FBXO27: variants seen among roughly 807,000 people sequenced by gnomAD.
FBXO27 encodes the protein F-box protein 27, also known as F-box only protein 27.
Under a neutral mutation model 28.3 loss-of-function variants are expected in FBXO27, and 28 were observed. The observed-to-expected ratio is 0.99, with a 90% CI of 0.73 to 1.36. The LOEUF is 1.36. Among genes scored for constraint, FBXO27 ranks in the 40% most tolerant of loss-of-function variants. The pLI is 0.00. For synonymous variants in FBXO27, 175 were observed against 167.3 expected, an observed-to-expected ratio of 1.05 and a Z score of -0.36; for missense variants, 388 against 394.1, an observed-to-expected ratio of 0.98 and a Z score of 0.13.
At chr19:39,026,579 A>G (rs1025650601) in intron 5 of FBXO27, among the ~76,000 whole-genome samples, 1 of 151,870 alleles carries the variant, frequency 6.6e-6, no homozygotes, top group African/African-American at 2.4e-5. Context: ...GATTCAAACG[A>G]TTGCCTGCCT....
chr19:39,009,772 C>G (rs531336009), intron 2 of FBXO27, among the ~76,000 whole-genome samples: 7 of 152,064 alleles, frequency 4.6e-5, no homozygotes, highest in South Asian at 2.1e-4. Context: ...GTTGTGTCCT[C>G]TGATGCACAA....
chr19:39,025,121 A>G lies in FBXO27; in HGVS notation c.*290T>C. On this transcript the variant is annotated 3_prime_UTR_variant, in exon 6 of 6. Coordinates refer to ENST00000292853, the MANE Select transcript of FBXO27 (RefSeq NM_178820.5). The stretch of plus-strand genomic sequence containing the variant: ...GAGGAGAAGAGAGGGGAGGGCAAGA[A>G]TTCTTCTCCAGGATGGGCATTCCCC... 4 of 340,824 alleles carry G rather than the reference A, an allele frequency of 1.2e-5. No homozygotes were observed. Among genetic ancestry groups the G allele is most frequent in the Non-Finnish European group, 2.1e-5 (4 of 186,728 alleles). The allele number at this position is 340,824 out of a possible 1,614,324, so 21.1% of individuals were successfully genotyped here.
Position 39,032,042 on chromosome 19 carries a change from G to A in FBXO27, c.186C>T (p.Asp62=), listed in dbSNP as rs758356714. The change falls in exon 2 of 6, where the codon GAC becomes GAT. Residue 62 remains aspartate (D), a synonymous_variant. Transcript: ENST00000292853. The surrounding 1 kb of genome is among the most constrained non-coding windows in gnomAD (Gnocchi z 4.7). The part of the protein sequence containing the change: ...QVCRGWRALV[D]GQALWLLILA... ...GGATCAGCAGCCACAGGGCCTGGCC[G>A]TCCACCAGGGCTCGCCAGCCCCGGC... The A allele has an allele frequency of 3.3e-6, 5 of 1,529,018 alleles. No homozygotes were observed. The South Asian group carries it at 3.7e-5, about 11-fold the overall frequency. 94.7% of individuals were successfully genotyped at this position (1,529,018 alleles called of 1,614,324 possible).
Position 39,032,154 on chromosome 19 carries a change from T to C in FBXO27, c.74A>G (p.Asp25Gly). ...CAGCTCTGGGGGTAGTTGGCTCAGG[T>C]CCAGCGCCTCTTCGGGTTCCGGCTC... Reference protein sequence around the residue: ...APEPEPEEALDLSQLPPELLL... With the variant: ...APEPEPEEALGLSQLPPELLL... Residue 25 changes from aspartate to glycine, a missense_variant, in exon 2 of 6, where the codon GAC becomes GGC. Transcript: ENST00000292853. The surrounding 1 kb of genome is among the most constrained non-coding windows in gnomAD (Gnocchi z 4.7). The C allele has an allele frequency of 6.5e-7, 1 of 1,537,916 alleles. No individual in the cohort carries two copies. The highest frequency in any genetic ancestry group is 8.7e-7 in the Non-Finnish European group (1 of 1,148,088).
At chr19:39,008,264 CAAA>C (rs567620173) in intron 2 of FBXO27, among the ~76,000 whole-genome samples, 4 of 98,826 alleles carry the variant, frequency 4.0e-5, no homozygotes, top group Non-Finnish European at 4.1e-5. Flanking sequence ...GACTCTGTCT[CAAA>C]AAAAAAAAAA....
chr19:39,007,043 A>G (rs1975739095), intron 2 of FBXO27, among the ~76,000 whole-genome samples: 1 of 109,150 alleles, frequency 9.2e-6, no homozygotes, highest in African/African-American at 3.5e-5. Context: ...ACTGGACTCT[A>G]GCCTGGGTGT....
chr19:39,016,323 T>C (rs1372590649), intron 1 of FBXO27, among the ~76,000 whole-genome samples: 1 of 151,936 alleles, frequency 6.6e-6, no homozygotes, highest in Non-Finnish European at 1.5e-5. Context: ...GATTATAACA[T>C]GTACCACTCT....
intron 4 of FBXO27, among the ~76,000 whole-genome samples, chr19:39,029,588 C>T (rs537750059): frequency 6.8e-4 from 103 of 151,934 alleles, no homozygotes; most frequent in African/African-American, 2.3e-3. Flanking sequence ...GATTGGGGAA[C>T]GAGAATCATA....
At chr19:39,015,373 G>A (rs536786962) in intron 1 of FBXO27, among the ~76,000 whole-genome samples, 5 of 139,100 alleles carry the variant, frequency 3.6e-5, no homozygotes, top group South Asian at 2.4e-4. Context: ...GCTCATGCCT[G>A]TAATCCCAGC....
chr19:39,011,827 C>CTT (rs71167612), intron 2 of FBXO27, among the ~76,000 whole-genome samples: 47 of 123,766 alleles, frequency 3.8e-4, no homozygotes, highest in Non-Finnish European at 5.8e-4. Flanking sequence ...ATTTTCTTTT[C>CTT]TTTTTTTTTT....
intron 2 of FBXO27, among the ~76,000 whole-genome samples, chr19:39,008,873 T>C (rs967479323): frequency 1.3e-5 from 2 of 152,176 alleles, no homozygotes; most frequent in South Asian, 4.1e-4. Context: ...CAGGCTGGAG[T>C]GCAGTGGGGT....
At chr19:39,008,882 G>GTAA (rs2072782228) in intron 2 of FBXO27, among the ~76,000 whole-genome samples, 1 of 152,170 alleles carries the variant, frequency 6.6e-6, no homozygotes, top group African/African-American at 2.4e-5. Context: ...GTGCAGTGGG[G>GTAA]TAATCCTGGC....
At chr19:39,025,630 G>A in intron 5 of FBXO27, 76 bp from the exon 6 acceptor site, 1 of 1,500,008 alleles carries the variant, frequency 6.7e-7, no homozygotes, top group Non-Finnish European at 8.9e-7. Flanking sequence ...CCTTCTGGAA[G>A]ATGGTTATTT....
At chr19:39,026,621 G>A (rs1214543998) in intron 5 of FBXO27, among the ~76,000 whole-genome samples, 1 of 152,150 alleles carries the variant, frequency 6.6e-6, no homozygotes, top group Non-Finnish European at 1.5e-5. Flanking sequence ...TTACAGGCAT[G>A]TGCCACCACG....
chr19:39,031,031 G>A lies in FBXO27; in HGVS notation c.570C>T (p.Asp190=). ...DSGRIEICVS[D]WWGARHDSGC... is the part of the protein sequence containing the mutation. Reference sequence around the variant, plus strand: ...GCTATTTTAATCGTCACACTCACCAGTCAGAGACACAAATCTCAATCCTGC... The same window carrying A: ...GCTATTTTAATCGTCACACTCACCAATCAGAGACACAAATCTCAATCCTGC... The change falls in exon 4 of 6, where the codon GAC becomes GAT. Residue 190 remains aspartate (D), a splice_region_variant and synonymous_variant. Transcript: ENST00000292853. 1 of 1,613,486 alleles carries A rather than the reference G, an allele frequency of 6.2e-7. No homozygotes were observed. The highest frequency in any genetic ancestry group is 8.5e-7 in the Non-Finnish European group (1 of 1,179,524).
At chr19:39,020,110 A>AG (rs1490034646), downstream of FBXO27, among the ~76,000 whole-genome samples, 3 of 152,106 alleles carry the variant, frequency 2.0e-5, no homozygotes, top group Admixed American at 1.3e-4. Context: ...AATGCCTCAA[A>AG]GGACATTTAT....
intron 4 of FBXO27, chr19:39,030,616 T>TTTTCTTTC: frequency 5.8e-6 from 1 of 171,720 alleles, no homozygotes; most frequent in East Asian, 1.7e-4. Context: ...CTTCAGTTTC[T>TTTTCTTTC]TTTCTTTCTT....
At chr19:39,016,104 C>A (rs2072818418) in intron 1 of FBXO27, among the ~76,000 whole-genome samples, 1 of 151,998 alleles carries the variant, frequency 6.6e-6, no homozygotes, top group Admixed American at 6.6e-5. Flanking sequence ...AACAAAAAGA[C>A]CAGTGGTCCT....
intron 2 of FBXO27, among the ~76,000 whole-genome samples, chr19:39,009,825 T>G (rs1024616044): frequency 6.6e-6 from 1 of 152,064 alleles, no homozygotes; most frequent in African/African-American, 2.4e-5. Flanking sequence ...TTTGTTTGTT[T>G]TTGAGACAGA....
Sources: allele counts gnomAD v4.1 joint callset (sites outside exome capture counted in the v4.1 genomes callset), GRCh38; gene constraint gnomAD v4.1.1; non-coding constraint Gnocchi (gnomAD v3.1); transcripts MANE v1.5; gene names NCBI Gene and HGNC (gene_info 2026-07-23, HGNC 2026-07-21).